PDK3: variants seen among roughly 807,000 people sequenced by gnomAD.
PDK3 encodes pyruvate dehydrogenase kinase 3.
In PDK3, 12 loss-of-function variants were observed where a neutral mutation model predicts 32.0. The observed-to-expected ratio is 0.37, with a 90% CI of 0.24 to 0.61. PDK3 has a LOEUF of 0.61. Among genes scored for constraint, PDK3 ranks in the 20% least tolerant of loss-of-function variants. The pLI is 0.65. For missense variants in PDK3, 188 were observed against 316.9 expected (o/e 0.59, Z 3.09); for synonymous variants, 122 against 116.3 (o/e 1.05, Z -0.31).
chrX:24,496,575 T>TTTTTTTTTTTTTTTTTTTTG (rs1198673081), intron 2 of PDK3, among the ~76,000 whole-genome samples: 1 of 86,169 alleles, frequency 1.2e-5, no homozygotes, highest in Non-Finnish European at 2.3e-5. Flanking sequence ...CATCTTTTTT[T>TTTTTTTTTTTTTTTTTTTTG]TTTTTTTTTT....
intron 9 of PDK3, among the ~76,000 whole-genome samples, chrX:24,529,758 C>CAAAAA (rs535951847): frequency 2.0e-5 from 1 of 50,521 alleles, no homozygotes; most frequent in Non-Finnish European, 3.4e-5. Flanking sequence ...GGCTCTGCCT[C>CAAAAA]AAAAAAAAAA....
At chrX:24,519,229 A>G (rs750232356) in intron 6 of PDK3, among the ~76,000 whole-genome samples, 1 of 110,993 alleles carries the variant, frequency 9.0e-6, no homozygotes, top group East Asian at 2.8e-4. Context: ...CTTGGAACAG[A>G]AATAATCAAG....
At chrX:24,497,565 C>T (rs1405599057) in intron 2 of PDK3, among the ~76,000 whole-genome samples, 2 of 112,894 alleles carry the variant, frequency 1.8e-5, no homozygotes, top group South Asian at 3.6e-4. Context: ...GGATTACAGG[C>T]GTGAGCTAAC....
At chrX:24,518,344 G>T (rs758002533) in intron 5 of PDK3, among the ~76,000 whole-genome samples, 11 of 111,356 alleles carry the variant, frequency 9.9e-5, no homozygotes, top group Admixed American at 1.9e-4. Flanking sequence ...TTAGCTGGGC[G>T]TGGTGGCACA....
chrX:24,536,701 G>T (rs1227451386), downstream of PDK3, among the ~76,000 whole-genome samples: 1 of 110,897 alleles, frequency 9.0e-6, no homozygotes, highest in Non-Finnish European at 1.9e-5. Flanking sequence ...CACATCTTAA[G>T]TTTACAGCTT....
intron 1 of PDK3, among the ~76,000 whole-genome samples, chrX:24,492,996 T>C (rs1326886341): frequency 9.9e-6 from 1 of 101,403 alleles, no homozygotes; most frequent in Non-Finnish European, 2.0e-5. Context: ...CAACACTCCG[T>C]CAAAAAAAAA....
At chrX:24,533,299 G>A (rs769391977) in intron 10 of PDK3, among the ~76,000 whole-genome samples, 1 of 108,756 alleles carries the variant, frequency 9.2e-6, no homozygotes, top group South Asian at 4.1e-4. Flanking sequence ...ACCACACCCG[G>A]CTAATTTTTT....
At chrX:24,516,703 C>T (rs73486355) in intron 5 of PDK3, among the ~76,000 whole-genome samples, 5,486 of 110,462 alleles carry the variant, frequency 0.05, 340 homozygotes, top group African/African-American at 0.17. Context: ...CTAATGGGTT[C>T]GGAACTTCTT....
At chrX:24,523,675 A>G (rs777824141) in intron 6 of PDK3, among the ~76,000 whole-genome samples, 34 of 112,245 alleles carry the variant, frequency 3.0e-4, no homozygotes, top group African/African-American at 1.1e-3. Flanking sequence ...AGAACAACCT[A>G]GGAAGAATTA....
chrX:24,531,263 T>G (rs765748163), intron 9 of PDK3, among the ~76,000 whole-genome samples: 8 of 111,621 alleles, frequency 7.2e-5, no homozygotes, highest in Non-Finnish European at 1.3e-4. Flanking sequence ...TTTCGCCATG[T>G]TGGCCAGGCT....
downstream of PDK3, among the ~76,000 whole-genome samples, chrX:24,537,112 CTTTTCTTTTT>C (rs1350479003): frequency 3.3e-5 from 3 of 89,562 alleles, no homozygotes; most frequent in Admixed American, 1.2e-4. Context: ...TGTTTCTTTT[CTTTTCTTTTT>C]TTTTTTTTTT....
At chrX:24,499,919 T>A (rs1921810662) in intron 3 of PDK3, among the ~76,000 whole-genome samples, 1 of 112,235 alleles carries the variant, frequency 8.9e-6, no homozygotes, top group Non-Finnish European at 1.9e-5. Flanking sequence ...CAGGGAAGCA[T>A]TGGGTTAGAG....
At chrX:24,473,300 G>C (rs184607824) in intron 1 of PDK3, among the ~76,000 whole-genome samples, 4,957 of 107,211 alleles carry the variant, frequency 0.046, 115 homozygotes, top group African/African-American at 0.086. Context: ...CTTGAACCTG[G>C]GAGGTGGAGG....
Position 24,534,042 on chromosome X carries a change from G to A in PDK3, c.1191G>A (p.Arg397=). The part of the protein sequence containing the change: ...DDWSNPSSEP[R]DASKYKAKQ Reference sequence around the variant, plus strand: ...GGAGCAATCCCAGCAGTGAACCCAGGGATGCTTCAAAATACAAAGCAAAAC... The same window carrying A: ...GGAGCAATCCCAGCAGTGAACCCAGAGATGCTTCAAAATACAAAGCAAAAC... Residue 397 remains arginine, a synonymous_variant, in exon 11 of 11, where the codon AGG becomes AGA. Coordinates refer to ENST00000379162, the MANE Select transcript of PDK3 (RefSeq NM_005391.5). 1.7e-6 allele frequency: 2 copies of A among 1,205,913 alleles called. No homozygotes were observed. Among genetic ancestry groups the A allele is most frequent in the Non-Finnish European group, 2.2e-6 (2 of 892,671 alleles).
intron 5 of PDK3, among the ~76,000 whole-genome samples, chrX:24,505,588 G>C (rs1432107021): frequency 8.9e-6 from 1 of 112,245 alleles, no homozygotes; most frequent in African/African-American, 3.2e-5. Context: ...GTAAGATTCT[G>C]ATTGCCACTG....
At chrX:24,503,644 G>T in intron 4 of PDK3, 133 bp downstream of exon 4, 1 of 444,012 alleles carries the variant, frequency 2.3e-6, no homozygotes. Flanking sequence ...TTTTTCCTAA[G>T]TGAATCCTAG....
chrX:24,481,112 T>A (rs1209094342), intron 1 of PDK3, among the ~76,000 whole-genome samples: 1 of 108,945 alleles, frequency 9.2e-6, no homozygotes, highest in Non-Finnish European at 1.9e-5. Context: ...GGCGCGATCT[T>A]GGCTCACTGC....
At chrX:24,495,893 C>T in intron 2 of PDK3, among the ~76,000 whole-genome samples, 1 of 111,963 alleles carries the variant, frequency 8.9e-6, no homozygotes, top group Non-Finnish European at 1.9e-5. Context: ...AAAGGCGGCT[C>T]CTTATGGATA....
chrX:24,501,207 C>T (rs575734375), intron 3 of PDK3, among the ~76,000 whole-genome samples: 4 of 111,235 alleles, frequency 3.6e-5, no homozygotes, highest in African/African-American at 1.3e-4. Flanking sequence ...CGTGCTTTTC[C>T]CTAGGCATGC....
Sources: allele counts gnomAD v4.1 joint callset (sites outside exome capture counted in the v4.1 genomes callset), GRCh38; gene constraint gnomAD v4.1.1; transcripts MANE v1.5; gene names NCBI Gene and HGNC (gene_info 2026-07-23, HGNC 2026-07-21).